The following LTBP1 variants were observed in gnomAD, a reference collection of about 807,000 sequenced individuals.
LTBP1 encodes the protein latent-transforming growth factor beta-binding protein 1.
LTBP1 carries 129 observed loss-of-function variants against 207.6 expected under a neutral mutation model. That is an observed-to-expected ratio of 0.62 (90% CI 0.54 to 0.72). LTBP1 has a LOEUF of 0.72. Ranked by LOEUF, LTBP1 falls within the 30% of genes least tolerant of loss-of-function variation. The pLI is 0.00. For missense variants in LTBP1, 2,281 were observed against 2,217.2 expected (o/e 1.03, Z -0.58); for synonymous variants, 963 against 833.7 (o/e 1.16, Z -2.67).
chr2:33,398,125 T>G (rs2095376335), intron 33 of LTBP1, among the ~76,000 whole-genome samples: 1 of 152,208 alleles, frequency 6.6e-6, no homozygotes, highest in South Asian at 2.1e-4. Context: ...CTAGAAAATG[T>G]CAAGCTCACA....
At chr2:33,192,558 T>C (rs62146705) in intron 7 of LTBP1, among the ~76,000 whole-genome samples, 34,473 of 151,456 alleles carry the variant, frequency 0.23, 4,689 homozygotes, top group Non-Finnish European at 0.32. Context: ...GAAAGTGAGA[T>C]GATGTTTGTA....
chr2:33,132,081 C>T (rs1428577602), intron 4 of LTBP1, among the ~76,000 whole-genome samples: 1 of 152,134 alleles, frequency 6.6e-6, no homozygotes, highest in Admixed American at 6.5e-5. Context: ...AGTTGGCACA[C>T]GGATTCTAAT....
chr2:33,255,957 G>A (rs2092837270), intron 11 of LTBP1, among the ~76,000 whole-genome samples: 1 of 152,124 alleles, frequency 6.6e-6, no homozygotes, highest in Admixed American at 6.5e-5. Context: ...AAGGGATTAG[G>A]TGGATTTTTC....
rs566670816 is a variant in LTBP1 at position 33,297,545 on chromosome 2, C to T, written c.3236-2906C>T. On this transcript the variant is annotated intron_variant, in intron 20 of 33. Transcript: ENST00000404816. ...CTCCCAGGTTCAAGTGATTCTTCTG[C>T]CTCAGCCTCCTGGGCAGCTGGGACT... Among the ~76,000 whole-genome samples the T allele has an allele frequency of 5.3e-5, 8 of 152,100 alleles. No individual in the cohort carries two copies. The East Asian group carries it at 7.7e-4, about 15-fold the overall frequency.
At chr2:33,136,451 A>G (rs754826675) in intron 5 of LTBP1, among the ~76,000 whole-genome samples, 1 of 152,206 alleles carries the variant, frequency 6.6e-6, no homozygotes, top group South Asian at 2.1e-4. Flanking sequence ...CTAAGATCAT[A>G]TGACTTTTTA....
intron 3 of LTBP1, among the ~76,000 whole-genome samples, chr2:33,074,546 C>T (rs997768883): frequency 2.6e-5 from 4 of 151,914 alleles, no homozygotes; most frequent in Admixed American, 6.6e-5. Context: ...AGACCAGCCT[C>T]GCCAACGAAA....
chr2:33,223,349 T>A (rs1351289266), intron 9 of LTBP1, among the ~76,000 whole-genome samples: 2 of 152,230 alleles, frequency 1.3e-5, no homozygotes, highest in African/African-American at 4.8e-5. Context: ...ATACAGTCTG[T>A]CTTTGAAAGA....
At chr2:33,106,990 G>A (rs1465440163) in intron 3 of LTBP1, among the ~76,000 whole-genome samples, 1 of 152,130 alleles carries the variant, frequency 6.6e-6, no homozygotes, top group Non-Finnish European at 1.5e-5. Flanking sequence ...CCGAACCTTT[G>A]TGTGGTCCCC....
intron 2 of LTBP1, among the ~76,000 whole-genome samples, chr2:32,969,229 T>TTGTGTGTG (rs201873946): frequency 2.1e-3 from 270 of 131,686 alleles, no homozygotes; most frequent in East Asian, 0.01. Context: ...CCTGGCCAAT[T>TTGTGTGTG]TGTGTGTGTG....
chr2:33,240,650 T>TC (rs2092281849), intron 9 of LTBP1, among the ~76,000 whole-genome samples: 1 of 143,426 alleles, frequency 7.0e-6, no homozygotes, highest in South Asian at 2.3e-4. Context: ...ACATTCTTTT[T>TC]TTTTTTTTTT....
chr2:33,214,787 G>A (rs1286828039), intron 7 of LTBP1, among the ~76,000 whole-genome samples: 1 of 151,814 alleles, frequency 6.6e-6, no homozygotes, highest in Non-Finnish European at 1.5e-5. Context: ...GGTTTCAAGA[G>A]ATGTGATGGT....
chr2:33,365,475 G>C lies in LTBP1; in HGVS notation c.4683G>C (p.Gln1561His), dbSNP rs767707870. The part of the protein sequence containing the change: ...CCLYGEAWGM[Q>H]CALCPLKDSD... ...TGTATGGAGAGGCCTGGGGCATGCA[G>C]TGTGCCCTCTGCCCCCTGAAGGATT... Residue 1561 changes from glutamine to histidine, a missense_variant, in exon 31 of 34, where the codon CAG (glutamine) becomes CAC (histidine). This residue lies in a region of LTBP1 where 1,671 missense variants were observed against 1,634.8 expected (regional missense o/e 1.02). Transcript: ENST00000404816. 2 of 1,614,088 alleles carry C rather than the reference G, an allele frequency of 1.2e-6. No individual in the cohort carries two copies. The highest frequency in any genetic ancestry group is 2.2e-5 in the East Asian group (1 of 44,892).
rs991902757 is a variant in LTBP1 at position 33,134,391 on chromosome 2, GCTAGGTGCACGGCCAACCC to G, written c.1034-399_1034-381del. ...TTGAGGACACAAGAGTTTATTCACC[GCTAGGTGCACGGCCAACCC>G]CTTTGCATTACATCTGCCTGTCAGG... On this transcript the variant is annotated intron_variant, in intron 4 of 33. Coordinates refer to ENST00000404816, the MANE Select transcript of LTBP1 (RefSeq NM_206943.4). This position sits in a 1 kb window ranked among gnomAD's most constrained non-coding sequence, Gnocchi z 4.4. 4.0e-6 allele frequency: 2 copies of G among 494,844 alleles called. No individual in the cohort carries two copies. Among genetic ancestry groups the G allele is most frequent in the Admixed American group, 2.3e-5 (1 of 42,884 alleles). The allele number at this position is 494,844 out of a possible 1,614,324, so 30.7% of individuals were successfully genotyped here. A position where few individuals can be genotyped will look rare whatever the true frequency, so the allele number is the denominator to read the frequency against.
rs558426542 is a variant in LTBP1 at position 33,191,414 on chromosome 2, A to G, written c.1701+2563A>G. On this transcript the variant is annotated intron_variant, in intron 7 of 33. Transcript: ENST00000404816. The stretch of plus-strand genomic sequence containing the variant: ...GATCTCAATTCTTAATTCATTTTGC[A>G]TGTGTACTCACTCATACACAGCTTC... Among the ~76,000 whole-genome samples the G allele has an allele frequency of 7.9e-5, 12 of 152,316 alleles. No individual in the cohort carries two copies. The East Asian group carries it at 1.9e-3, about 24-fold the overall frequency.
chr2:33,373,911 T>G lies in LTBP1; in HGVS notation c.4711+8408T>G, dbSNP rs2095103460. ...CACCATTTGCTGTGACAGAAAATTT[T>G]TCAATCCTTCCTAATATCTAACCTA... On this transcript the variant is annotated intron_variant, in intron 31 of 33. Coordinates refer to ENST00000404816, the MANE Select transcript of LTBP1 (RefSeq NM_206943.4). Among the ~76,000 whole-genome samples the G allele has an allele frequency of 2.0e-5, 3 of 152,204 alleles. No individual in the cohort carries two copies. The South Asian group carries it at 6.2e-4, about 31-fold the overall frequency.
intron 3 of LTBP1, among the ~76,000 whole-genome samples, chr2:33,033,435 G>T (rs2075775656): frequency 6.6e-6 from 1 of 152,134 alleles, no homozygotes; most frequent in South Asian, 2.1e-4. Flanking sequence ...CATGTAGGAA[G>T]ATCTAACTAA....
chr2:33,155,121 T>G (rs977058910), intron 5 of LTBP1, among the ~76,000 whole-genome samples: 4 of 152,298 alleles, frequency 2.6e-5, no homozygotes, highest in Non-Finnish European at 2.9e-5. Flanking sequence ...TATGAACTTG[T>G]CTGTATCACC....
intron 3 of LTBP1, among the ~76,000 whole-genome samples, chr2:33,077,844 CA>C (rs1246269152): frequency 6.6e-6 from 1 of 152,092 alleles, no homozygotes; most frequent in African/African-American, 2.4e-5. Flanking sequence ...CGCTTTTGAA[CA>C]AGATTACTTT....
At chr2:33,153,592 T>G (rs917683718) in intron 5 of LTBP1, among the ~76,000 whole-genome samples, 4 of 152,138 alleles carry the variant, frequency 2.6e-5, no homozygotes, top group Admixed American at 2.0e-4. Flanking sequence ...CTAAATTGCC[T>G]CACTGTGGGG....
Sources: allele counts gnomAD v4.1 joint callset (sites outside exome capture counted in the v4.1 genomes callset), GRCh38; gene constraint gnomAD v4.1.1; regional missense constraint gnomAD v4.1.1; non-coding constraint Gnocchi (gnomAD v3.1); transcripts MANE v1.5; gene names NCBI Gene and HGNC (gene_info 2026-07-23, HGNC 2026-07-21).